Variants in LAMA3 observed in about 807,000 individuals in gnomAD.
LAMA3 encodes the protein laminin subunit alpha 3.
In LAMA3, 281 loss-of-function variants were observed where a neutral mutation model predicts 402.0. The ratio of observed to expected loss-of-function variants is 0.70; its 90% CI spans 0.63 to 0.77. The LOEUF (loss-of-function observed/expected upper bound fraction) is 0.77, where lower values mean the gene tolerates loss of function less well. Ranked by LOEUF, LAMA3 falls within the 30% of genes least tolerant of loss-of-function variation. LAMA3 has a pLI of 0.00. For missense variants in LAMA3, 3,840 were observed against 4,215.5 expected (o/e 0.91, Z 2.47); for synonymous variants, 1,431 against 1,558.4 (o/e 0.92, Z 1.93).
intron 2 of LAMA3, among the ~76,000 whole-genome samples, chr18:23,726,975 A>T (rs2061311567): frequency 1.3e-5 from 2 of 152,186 alleles, no homozygotes; most frequent in Admixed American, 1.3e-4. Flanking sequence ...AGTTCCTTGT[A>T]GATTCTGGAT....
At chr18:23,758,334 G>T in intron 6 of LAMA3, 62 bp from the exon 7 acceptor site, 2 of 1,239,610 alleles carry the variant, frequency 1.6e-6, no homozygotes, top group East Asian at 2.4e-5. Flanking sequence ...TCGCACTATA[G>T]GATCAACTGA....
At chr18:23,819,723 A>T in intron 18 of LAMA3, 118 bp from the exon 19 acceptor site, 1 of 894,570 alleles carries the variant, frequency 1.1e-6, no homozygotes, top group South Asian at 1.4e-5. Context: ...TTTGTCCTTT[A>T]TTTAATGTAC....
chr18:23,843,819 A>G (rs935346815), intron 29 of LAMA3, among the ~76,000 whole-genome samples: 6 of 152,272 alleles, frequency 3.9e-5, no homozygotes, highest in Admixed American at 6.5e-5. Flanking sequence ...CGCTCTGGCC[A>G]TACAAATCCG....
intron 1 of LAMA3, among the ~76,000 whole-genome samples, chr18:23,695,796 CAAAAAAAAAAAAAAAAAAAAAAAAAAA>C (rs58873998): frequency 5.2e-5 from 2 of 38,620 alleles, no homozygotes; most frequent in Non-Finnish European, 4.1e-5. Context: ...GACTCCATCT[CAAAAAAAAAAAAAAAAAAAAAAAAAAA>C]AAAAAAAAAA....
rs1238616964 is a variant in LAMA3, at chr18:23,833,965, G to A, written c.2961G>A (p.Val987=). ...CCGGGTCTGTTCTGGCAGGCCAGGTGAACATTTACAGCTGCAACTACAGGT... is the reference window on the plus strand; with the variant it reads ...CCGGGTCTGTTCTGGCAGGCCAGGTAAACATTTACAGCTGCAACTACAGGT... ...KSSGSVLAGQ[V]NIYSCNYSVL... The change falls in exon 24 of 75, where the codon GTG becomes GTA. Residue 987 remains valine (V), a synonymous_variant. Coordinates refer to ENST00000313654, the MANE Select transcript of LAMA3 (RefSeq NM_198129.4). The A allele has an allele frequency of 1.2e-6, 2 of 1,614,254 alleles. No homozygotes were observed. The highest frequency in any genetic ancestry group is 1.7e-5 in the Admixed American group (1 of 60,032).
rs957153342 is a variant in LAMA3 at position 23,915,207 on chromosome 18, G to T, written c.7645-82G>T. On this transcript the variant is annotated intron_variant, in intron 58 of 74. Transcript: ENST00000313654. ...TCTTAATTAACCCTTATGCCATAGT[G>T]ACTGTTAAAAGTGATTAATTGATAC... 4 of 1,452,174 alleles carry T rather than the reference G, an allele frequency of 2.8e-6. No homozygotes were observed. In the Admixed American group the frequency reaches 6.9e-5, roughly 25 times the overall value. 90.0% of individuals were successfully genotyped at this position (1,452,174 alleles called of 1,614,324 possible).
intron 12 of LAMA3, among the ~76,000 whole-genome samples, chr18:23,788,508 A>G (rs1265953081): frequency 6.6e-6 from 1 of 152,014 alleles, no homozygotes; most frequent in Non-Finnish European, 1.5e-5. Flanking sequence ...CAAAAAATAC[A>G]TGAGATATAC....
At chr18:23,904,279 C>T (rs1166166871) in intron 50 of LAMA3, among the ~76,000 whole-genome samples, 192 bp downstream of exon 50, 6 of 152,148 alleles carry the variant, frequency 3.9e-5, no homozygotes, top group African/African-American at 1.4e-4. Flanking sequence ...TTCCTGGCCA[C>T]GTCCTTTGGG....
chr18:23,882,125 T>C lies in LAMA3; in HGVS notation c.5222+80T>C, dbSNP rs946860318. ...CTAGGACTAGGGGTGGGAGAGCAGG[T>C]GGGGAGAATGGGAAGTGATTACCAA... On this transcript the variant is annotated intron_variant, in intron 40 of 74. Transcript: ENST00000313654. 1.5e-5 allele frequency: 13 copies of C among 840,446 alleles called. No individual in the cohort carries two copies. The African/African-American group carries it at 2.2e-4, about 14-fold the overall frequency. 52.1% of individuals were successfully genotyped at this position (840,446 alleles called of 1,614,324 possible).
chr18:23,710,085 T>C, intron 1 of LAMA3: 1 of 739,960 alleles, frequency 1.4e-6, no homozygotes, highest in Non-Finnish European at 2.5e-6. Context: ...GTCAAGCTTG[T>C]TCTCCTGGGG....
At chr18:23,921,094 C>A in intron 61 of LAMA3, 40 bp downstream of exon 61, 1 of 1,608,270 alleles carries the variant, frequency 6.2e-7, no homozygotes, top group Non-Finnish European at 8.5e-7. Context: ...CGTTAAATGT[C>A]CTTAGTCCTT....
chr18:23,864,558 G>T (rs190775848), intron 35 of LAMA3, among the ~76,000 whole-genome samples: 81 of 152,114 alleles, frequency 5.3e-4, no homozygotes, highest in Non-Finnish European at 2.9e-5. Flanking sequence ...GTATCTTCTT[G>T]CTTGTAAAAC....
intron 44 of LAMA3, chr18:23,898,458 A>C: frequency 2.2e-6 from 1 of 445,434 alleles, no homozygotes; most frequent in South Asian, 2.8e-5. Flanking sequence ...TCAGGTAAGT[A>C]GTATCACCCT....
In LAMA3 at chr18:23,724,307, A is replaced by G. The variant is rs189245612; in HGVS notation, c.447+10235A>G. 2.6e-3 allele frequency among the ~76,000 whole-genome samples: 392 copies of G among 152,362 alleles called. 2 individuals carry two copies. Among genetic ancestry groups the G allele is most frequent in the African/African-American group, 9.2e-3 (381 of 41,588 alleles). On this transcript the variant is annotated intron_variant, in intron 2 of 74. Transcript: ENST00000313654. ...TATTACTTTTAGAATTAGAAAATCA[A>G]TAAAGCCATTTTCTCTTTGGAGAAA... is the stretch of plus-strand genomic sequence containing the variant.
intron 38 of LAMA3, chr18:23,872,948 A>G: frequency 6.6e-7 from 1 of 1,519,218 alleles, no homozygotes; most frequent in Non-Finnish European, 9.0e-7. Context: ...AGCCTTCCTC[A>G]CCTGAGTCAG....
Position 23,950,132 on chromosome 18 carries a change from C to T in LAMA3, c.9615C>T (p.His3205=). The change falls in exon 72 of 75, where the codon CAC becomes CAT. Residue 3205 remains histidine, a synonymous_variant. Transcript: ENST00000313654. ...ACATCGGAAGTCAGCCCGGGAAGCA[C>T]TTATGTGTTTACCTGGAGGCAGGAA... ...LIHIGSQPGK[H]LCVYLEAGKV... is the part of the protein sequence containing the mutation. The T allele has an allele frequency of 6.2e-7, 1 of 1,614,102 alleles. No homozygotes were observed. The highest frequency in any genetic ancestry group is 8.5e-7 in the Non-Finnish European group (1 of 1,180,014).
In LAMA3 at chr18:23,785,230, C is replaced by A. The variant is rs576924451; in HGVS notation, c.1603+1073C>A. On this transcript the variant is annotated intron_variant, in intron 12 of 74. Transcript: ENST00000313654. The stretch of plus-strand genomic sequence containing the variant: ...TTCACACACTTCCAATTTGCAAACC[C>A]AATTGGCATCCAGAGCCCTGCCCCA... 1.1e-4 allele frequency among the ~76,000 whole-genome samples: 17 copies of A among 152,348 alleles called. No individual in the cohort carries two copies. The East Asian group carries it at 2.3e-3, about 21-fold the overall frequency.
Position 23,954,869 on chromosome 18 carries a change from T to G in LAMA3, c.*221T>G. 1.8e-6 allele frequency: 1 copy of G among 568,012 alleles called. No homozygotes were observed. Among genetic ancestry groups the G allele is most frequent in the South Asian group, 2.1e-5 (1 of 48,412 alleles). 35.2% of individuals were successfully genotyped at this position (568,012 alleles called of 1,614,324 possible). On this transcript the variant is annotated 3_prime_UTR_variant, in exon 75 of 75. Transcript: ENST00000313654. ...TCCCATTTCTTGAAGATAAAAAAAT[T>G]GTTATTCAAATTGTTATGCACAGAA...
intron 1 of LAMA3, among the ~76,000 whole-genome samples, chr18:23,706,477 C>T (rs1418701360): frequency 6.6e-6 from 1 of 152,128 alleles, no homozygotes; most frequent in Admixed American, 6.5e-5. Context: ...AAACTTTAAA[C>T]TTGGGTCTAC....
Sources: gnomAD v4.1 joint callset for allele counts (sites outside exome capture counted in the v4.1 genomes callset) on GRCh38, gnomAD v4.1.1 for gene constraint, MANE v1.5 for transcripts, NCBI Gene and HGNC (gene_info 2026-07-23, HGNC 2026-07-21) for gene names.